Variants in EEPD1 observed in about 807,000 individuals in gnomAD.
EEPD1 encodes endonuclease/exonuclease/phosphatase family domain containing 1, also known as endonuclease/exonuclease/phosphatase family domain-containing protein 1.
EEPD1 carries 17 observed loss-of-function variants against 46.3 expected under a neutral mutation model. The observed-to-expected ratio is 0.37, with a 90% CI of 0.25 to 0.55. EEPD1 has a LOEUF of 0.55. EEPD1 is among the 20% of genes least tolerant of loss of function. The probability of loss-of-function intolerance (pLI) is 0.83; values close to 1 mark genes in which losing one functional copy is unlikely to be tolerated. For synonymous variants in EEPD1, 313 were observed against 315.6 expected (o/e 0.99, Z 0.09); for missense variants, 673 against 745.6 (o/e 0.90, Z 1.13).
chr7:36,263,198 G>A (rs772420926), intron 3 of EEPD1, among the ~76,000 whole-genome samples: 13 of 152,046 alleles, frequency 8.6e-5, no homozygotes, highest in Non-Finnish European at 1.6e-4. Flanking sequence ...CGGGTGTGGC[G>A]ATGCACGTCT....
chr7:36,183,874 C>G (rs536858171), intron 2 of EEPD1, among the ~76,000 whole-genome samples: 2 of 47,292 alleles, frequency 4.2e-5, no homozygotes, highest in Non-Finnish European at 1.8e-4. Flanking sequence ...TCCTAGCCCT[C>G]GTTTTTTTTT....
intron 3 of EEPD1, among the ~76,000 whole-genome samples, chr7:36,270,034 G>A (rs986143955): frequency 1.3e-5 from 2 of 152,144 alleles, no homozygotes; most frequent in Non-Finnish European, 2.9e-5. Context: ...AGATGGCCCA[G>A]GAAGGACTTG....
intron 2 of EEPD1, among the ~76,000 whole-genome samples, chr7:36,197,190 G>A (rs1320628513): frequency 6.6e-6 from 1 of 151,454 alleles, no homozygotes; most frequent in Non-Finnish European, 1.5e-5. Context: ...CACCCCGTCT[G>A]GGAAGTGAGG....
At chr7:36,159,747 C>T (rs985474405) in intron 2 of EEPD1, among the ~76,000 whole-genome samples, 12 of 152,256 alleles carry the variant, frequency 7.9e-5, no homozygotes, top group Admixed American at 1.3e-4. Flanking sequence ...TGTTTTTTCC[C>T]GTTTTTGTTC....
chr7:36,238,957 A>G (rs766599871), intron 2 of EEPD1, 28 bp from the exon 3 acceptor site: 1 of 1,598,388 alleles, frequency 6.3e-7, no homozygotes, highest in Non-Finnish European at 8.5e-7. Flanking sequence ...TTTGTTTTCA[A>G]GTGTGGTTTT....
intron 3 of EEPD1, among the ~76,000 whole-genome samples, chr7:36,275,045 C>T (rs999504852): frequency 1.3e-5 from 2 of 152,212 alleles, no homozygotes; most frequent in African/African-American, 4.8e-5. Context: ...AGTGCTACTG[C>T]TGAGAACACA....
At chr7:36,242,988 C>T (rs540297710) in intron 3 of EEPD1, among the ~76,000 whole-genome samples, 14 of 152,228 alleles carry the variant, frequency 9.2e-5, no homozygotes, top group African/African-American at 2.2e-4. Context: ...TAAAGGGCCT[C>T]GTGACTTACA....
intron 6 of EEPD1, among the ~76,000 whole-genome samples, chr7:36,289,055 C>G (rs566787941): frequency 6.6e-6 from 1 of 152,234 alleles, no homozygotes; most frequent in South Asian, 2.1e-4. Context: ...GAAGATTTTA[C>G]TACAAAAATA....
intron 3 of EEPD1, among the ~76,000 whole-genome samples, chr7:36,260,809 A>T (rs543141825): frequency 6.6e-6 from 1 of 152,332 alleles, no homozygotes; most frequent in African/African-American, 2.4e-5. Flanking sequence ...CTGTAGATTC[A>T]ACCAACCATG....
At chr7:36,212,384 C>T (rs1244603472) in intron 2 of EEPD1, among the ~76,000 whole-genome samples, 1 of 150,972 alleles carries the variant, frequency 6.6e-6, no homozygotes, top group East Asian at 1.9e-4. Flanking sequence ...TTAAGGAGAT[C>T]GTCAGAAATG....
intron 3 of EEPD1, among the ~76,000 whole-genome samples, chr7:36,242,727 A>G (rs1251451247): frequency 1.3e-5 from 2 of 149,224 alleles, no homozygotes; most frequent in South Asian, 2.2e-4. Flanking sequence ...GTTCGAGACC[A>G]GTCTGACCAA....
chr7:36,292,394 CTTTCTTTCT>C (rs2034031574), intron 6 of EEPD1, among the ~76,000 whole-genome samples: 1 of 150,420 alleles, frequency 6.6e-6, no homozygotes, highest in Non-Finnish European at 1.5e-5. Flanking sequence ...CTTTTCTTTT[CTTTCTTTCT>C]TTTCTTTCTT....
chr7:36,155,381 A>G (rs1447498259), intron 2 of EEPD1, among the ~76,000 whole-genome samples, 179 bp downstream of exon 2: 1 of 152,060 alleles, frequency 6.6e-6, no homozygotes, highest in Non-Finnish European at 1.5e-5. Context: ...CTGCTCCAGA[A>G]TTTTCTGAAT....
At chr7:36,296,694 C>CTTTTTTTTTTT (rs60706978) in intron 6 of EEPD1, among the ~76,000 whole-genome samples, 1 of 83,134 alleles carries the variant, frequency 1.2e-5, no homozygotes, top group Non-Finnish European at 2.2e-5. Flanking sequence ...ACCCTTAGGT[C>CTTTTTTTTTTT]TTTTTTTTTT....
chr7:36,166,064 C>G (rs115826566), intron 2 of EEPD1, among the ~76,000 whole-genome samples: 1 of 152,194 alleles, frequency 6.6e-6, no homozygotes, highest in African/African-American at 2.4e-5. Context: ...AAGTTCATGA[C>G]TCCACACTGT....
chr7:36,262,549 T>A (rs1005054061), intron 3 of EEPD1, among the ~76,000 whole-genome samples: 1 of 152,212 alleles, frequency 6.6e-6, no homozygotes, highest in Non-Finnish European at 1.5e-5. Flanking sequence ...TATGTTGGCA[T>A]GCATTCAGGG....
chr7:36,244,788 T>A (rs1234160016), intron 3 of EEPD1, among the ~76,000 whole-genome samples: 1 of 106,462 alleles, frequency 9.4e-6, no homozygotes, highest in African/African-American at 3.7e-5. Flanking sequence ...TTTTTTTTTT[T>A]TGGAGACGGA....
chr7:36,176,490 G>A (rs1174397184), intron 2 of EEPD1, among the ~76,000 whole-genome samples: 2 of 152,204 alleles, frequency 1.3e-5, no homozygotes, highest in Non-Finnish European at 2.9e-5. Context: ...AGTTATTTCG[G>A]TTCAGATGCT....
intron 3 of EEPD1, among the ~76,000 whole-genome samples, chr7:36,270,068 A>G (rs924419489): frequency 6.6e-6 from 1 of 152,186 alleles, no homozygotes; most frequent in African/African-American, 2.4e-5. Flanking sequence ...TTATGATAAC[A>G]TGGCACAGTA....
Sources: gnomAD v4.1 joint callset for allele counts (sites outside exome capture counted in the v4.1 genomes callset) on GRCh38, gnomAD v4.1.1 for gene constraint, MANE v1.5 for transcripts, NCBI Gene and HGNC (gene_info 2026-07-23, HGNC 2026-07-21) for gene names.